Variants in ADGRL2 observed in about 807,000 individuals in gnomAD.
ADGRL2 encodes calcium-independent alpha-latrotoxin receptor 2.
A neutral mutation model predicts 157.4 loss-of-function variants in ADGRL2; 44 were observed. The ratio of observed to expected loss-of-function variants is 0.28; its 90% confidence interval spans 0.22 to 0.36. The LOEUF is 0.36. Among genes scored for constraint, ADGRL2 ranks in the 10% least tolerant of loss-of-function variants. The pLI is 1.00. For missense variants in ADGRL2, 1,510 were observed against 1,768.9 expected (o/e 0.85, Z 2.63); for synonymous variants, 585 against 624.7 (o/e 0.94, Z 0.95).
intron 16 of ADGRL2, among the ~76,000 whole-genome samples, chr1:81,971,554 G>C (rs546992278): frequency 1.1e-4 from 17 of 152,120 alleles, no homozygotes; most frequent in Non-Finnish European, 2.1e-4. Flanking sequence ...GTCTGTCTTA[G>C]GGAAGTCAGA....
intron 2 of ADGRL2, among the ~76,000 whole-genome samples, chr1:81,466,047 G>A (rs1298118860): frequency 6.6e-6 from 1 of 152,220 alleles, no homozygotes; most frequent in Non-Finnish European, 1.5e-5. Context: ...TGTACCACAT[G>A]TGTACATGTG....
intron 2 of ADGRL2, among the ~76,000 whole-genome samples, chr1:81,567,075 A>G (rs1212710516): frequency 6.6e-6 from 1 of 152,116 alleles, no homozygotes; most frequent in Non-Finnish European, 1.5e-5. Flanking sequence ...TAAAAATAAC[A>G]TAAAGATTCA....
At chr1:81,651,334 T>C (rs1020220191) in intron 3 of ADGRL2, among the ~76,000 whole-genome samples, 1 of 152,164 alleles carries the variant, frequency 6.6e-6, no homozygotes, top group Non-Finnish European at 1.5e-5. Flanking sequence ...ACCAAGAATA[T>C]GTTGAAAAGA....
At chr1:81,672,538 G>A (rs1025599733) in intron 3 of ADGRL2, among the ~76,000 whole-genome samples, 6 of 152,160 alleles carry the variant, frequency 3.9e-5, no homozygotes, top group South Asian at 2.1e-4. Context: ...CATGAGGAAG[G>A]ACAATGATGC....
intron 3 of ADGRL2, among the ~76,000 whole-genome samples, chr1:81,911,868 T>G (rs2094730201): frequency 6.7e-6 from 1 of 149,022 alleles, no homozygotes; most frequent in Non-Finnish European, 1.5e-5. Flanking sequence ...ATAGGCCCCC[T>G]GCCTCCCATT....
At chr1:81,436,515 G>C (rs1160969430) in intron 1 of ADGRL2, among the ~76,000 whole-genome samples, 2 of 152,178 alleles carry the variant, frequency 1.3e-5, no homozygotes, top group East Asian at 3.8e-4. Flanking sequence ...AGCCATGAGT[G>C]CTGGGATCAC....
At chr1:81,708,067 G>T (rs939558593) in intron 1 of ADGRL2, among the ~76,000 whole-genome samples, 5 of 152,008 alleles carry the variant, frequency 3.3e-5, no homozygotes, top group Non-Finnish European at 7.4e-5. Context: ...GAATATCTCT[G>T]CCACTTACCT....
chr1:81,601,204 A>G (rs1338246988), intron 3 of ADGRL2, among the ~76,000 whole-genome samples: 1 of 152,236 alleles, frequency 6.6e-6, no homozygotes, highest in African/African-American at 2.4e-5. Context: ...CTTTCCCCCA[A>G]CATGGGTAAT....
intron 3 of ADGRL2, among the ~76,000 whole-genome samples, chr1:81,911,737 C>T (rs17429325): frequency 0.16 from 25,093 of 152,156 alleles, 2,521 homozygotes; most frequent in Middle Eastern, 0.31. Context: ...AATTCGTAGA[C>T]ATGTGAGTGT....
rs906209329 is a variant in ADGRL2, at chr1:81,982,665, G to T, written c.3282+689G>T. On this transcript the variant is annotated intron_variant, in intron 19 of 23. Coordinates refer to ENST00000686636, the MANE Select transcript of ADGRL2 (RefSeq NM_001366006.2). ...GTTATTACTAGTTGGTCACTAAATT[G>T]AACAGAGAAATAGAATTGTGGAAGT... Among the ~76,000 whole-genome samples the T allele has an allele frequency of 8.0e-4, 122 of 151,908 alleles. 1 individual carries two copies. Among genetic ancestry groups the T allele is most frequent in the Non-Finnish European group, 7.4e-5 (5 of 67,866 alleles).
At chr1:81,365,962 C>T (rs75077836) in intron 1 of ADGRL2, among the ~76,000 whole-genome samples, 2,496 of 152,210 alleles carry the variant, frequency 0.016, 62 homozygotes, top group African/African-American at 0.055. Context: ...TAGCAGAGGG[C>T]GTGACTCCTC....
intron 2 of ADGRL2, among the ~76,000 whole-genome samples, chr1:81,459,809 T>TTTG (rs2077886194): frequency 3.1e-5 from 2 of 63,526 alleles, no homozygotes; most frequent in South Asian, 1.5e-3. Flanking sequence ...TATGTATGTG[T>TTTG]TTGTATATAT....
At chr1:81,818,606 G>T (rs1349219894) in intron 1 of ADGRL2, among the ~76,000 whole-genome samples, 1 of 152,050 alleles carries the variant, frequency 6.6e-6, no homozygotes, top group East Asian at 1.9e-4. Context: ...TTACTTCTGG[G>T]CTTAATTCTA....
At chr1:81,884,555 A>G (rs1331490764) in intron 2 of ADGRL2, among the ~76,000 whole-genome samples, 1 of 152,202 alleles carries the variant, frequency 6.6e-6, no homozygotes, top group Non-Finnish European at 1.5e-5. Flanking sequence ...TTCTGACTAA[A>G]CATATATTGA....
chr1:81,752,737 C>T (rs988550694), intron 1 of ADGRL2, among the ~76,000 whole-genome samples: 7 of 152,104 alleles, frequency 4.6e-5, no homozygotes, highest in South Asian at 2.1e-4. Context: ...TACAGCCATT[C>T]GCCACTGTGC....
chr1:81,942,053 A>G lies in ADGRL2; in HGVS notation c.409+8A>G, dbSNP rs1648191647. The stretch of plus-strand genomic sequence containing the variant: ...TAGAAGTGGAGCAAAAAGGTAAATA[A>G]CATACAGTCTGAACCCCAGCTCCCT... On this transcript the variant is annotated splice_region_variant and intron_variant, in intron 5 of 23. Transcript: ENST00000686636. 5.2e-6 allele frequency: 4 copies of G among 770,614 alleles called. No homozygotes were observed. In the East Asian group the frequency reaches 9.8e-5, roughly 19 times the overall value. 47.7% of individuals were successfully genotyped at this position (770,614 alleles called of 1,614,324 possible). A position where few individuals can be genotyped will look rare whatever the true frequency, so the allele number is the denominator to read the frequency against.
Position 81,515,531 on chromosome 1 carries a change from T to C in ADGRL2, c.-247-65345T>C, listed in dbSNP as rs111287002. Among the ~76,000 whole-genome samples, 467 of 152,204 alleles carry C rather than the reference T, an allele frequency of 3.1e-3. 3 individuals are homozygous for C. The highest frequency in any genetic ancestry group is 2.2e-3 in the Non-Finnish European group (149 of 68,008). ...TATGACAGTGTCTGTATAGACAGTA[T>C]AGTAGTTGGTCATTCACTTTGCTAT... On this transcript the variant is annotated intron_variant, in intron 2 of 24. Transcript: ENST00000370721.
intron 3 of ADGRL2, among the ~76,000 whole-genome samples, chr1:81,927,874 C>T (rs1219642562): frequency 6.6e-6 from 1 of 151,906 alleles, no homozygotes; most frequent in Admixed American, 6.6e-5. Flanking sequence ...CCCACTTTCC[C>T]TAGCTGTATA....
intron 2 of ADGRL2, among the ~76,000 whole-genome samples, chr1:81,772,304 T>G (rs1011054303): frequency 2.0e-5 from 3 of 151,056 alleles, no homozygotes; most frequent in Admixed American, 2.0e-4. Context: ...GTTAATAACA[T>G]GTAAGCACTT....
Sources: allele counts gnomAD v4.1 joint callset (sites outside exome capture counted in the v4.1 genomes callset), GRCh38; gene constraint gnomAD v4.1.1; transcripts MANE v1.5; gene names NCBI Gene and HGNC (gene_info 2026-07-23, HGNC 2026-07-21).